Variants in TRPM5 observed in about 807,000 individuals in gnomAD.
TRPM5 encodes transient receptor potential cation channel subfamily M member 5, also known as MLSN1 and TRP-related.
TRPM5 carries 121 observed loss-of-function variants against 124.9 expected under a neutral mutation model. The observed-to-expected ratio is 0.97, with a 90% CI of 0.84 to 1.13. The LOEUF (loss-of-function observed/expected upper bound fraction) is 1.13, where lower values mean the gene tolerates loss of function less well. Ranked by LOEUF, TRPM5 falls within the 50% of genes most tolerant of loss-of-function variation. The pLI, the probability that TRPM5 is intolerant of heterozygous loss-of-function variation, is 0.00. For synonymous variants in TRPM5, 781 were observed against 700.5 expected (o/e 1.11, Z -1.81); for missense variants, 1,643 against 1,589.1 (o/e 1.03, Z -0.58).
the TRPM5 span, among the ~76,000 whole-genome samples, chr11:2,428,742 A>G: frequency 6.7e-6 from 1 of 149,084 alleles, no homozygotes; most frequent in African/African-American, 2.5e-5. The surrounding 1 kb of genome is among the most constrained non-coding windows in gnomAD (Gnocchi z 4.0). Context: ...TGTTGATGGT[A>G]TTAGTGCTGA....
At chr11:2,414,195 CGGA>C in exon 12 of TRPM5, 1 of 1,609,392 alleles carries the variant, frequency 6.2e-7, no homozygotes, top group South Asian at 1.1e-5. Flanking sequence ...CTGTAGCACT[CGGA>C]GAAGAGGTCT....
At chr11:2,413,992 C>G (rs755396425) in intron 12 of TRPM5, 69 bp downstream of exon 17, 43 of 1,529,226 alleles carry the variant, frequency 2.8e-5, no homozygotes, top group African/African-American at 4.2e-5. Context: ...GAAGTCAACT[C>G]AAGCTGGGCC....
At chr11:2,422,884 G>T in intron 1 of TRPM5, 36 bp downstream of exon 6, 1 of 1,573,154 alleles carries the variant, frequency 6.4e-7, no homozygotes, top group Non-Finnish European at 8.7e-7. Context: ...TCCAGGTCAA[G>T]GCGGACATCA....
At chr11:2,434,225 G>A in the TRPM5 span, among the ~76,000 whole-genome samples, 1,477 of 151,686 alleles carry the variant, frequency 9.7e-3, 25 homozygotes, top group African/African-American at 0.034. Context: ...CTGTGTGGAC[G>A]CTGTGAGTGC....
the TRPM5 span, among the ~76,000 whole-genome samples, chr11:2,440,588 C>T: frequency 3.9e-5 from 6 of 152,276 alleles, no homozygotes; most frequent in South Asian, 2.1e-4. This position sits in a 1 kb window ranked among gnomAD's most constrained non-coding sequence, Gnocchi z 5.2. Context: ...TCTGTGGAGA[C>T]GCCCCTGGGA....
At chr11:2,417,825 T>C in exon 7 of TRPM5, 1 of 1,574,444 alleles carries the variant, frequency 6.4e-7, no homozygotes, top group Non-Finnish European at 8.6e-7. Context: ...GGTGATGTTC[T>C]GCAGCTGGGC....
chr11:2,404,840 C>A, exon 24 of TRPM5: 1 of 1,038,298 alleles, frequency 9.6e-7, no homozygotes, highest in East Asian at 2.5e-5. Context: ...GCTGGTGCCC[C>A]CTGGGGGGTT....
At chr11:2,407,362 C>A (rs1387145055) in intron 19 of TRPM5, 62 bp from the exon 25 acceptor site, 1 of 1,488,198 alleles carries the variant, frequency 6.7e-7, no homozygotes, top group Non-Finnish European at 9.1e-7. Context: ...GGGACGCATC[C>A]CCCTGCACCC....
chr11:2,424,142 G>A (rs1433180654), upstream of TRPM5, among the ~76,000 whole-genome samples: 1 of 152,272 alleles, frequency 6.6e-6, no homozygotes, highest in Non-Finnish European at 1.5e-5. Flanking sequence ...TGGTTCTCCT[G>A]TGCCCACCTT....
the TRPM5 span, among the ~76,000 whole-genome samples, chr11:2,439,552 GC>G: frequency 1.3e-3 from 200 of 152,338 alleles, 2 homozygotes; most frequent in Non-Finnish European, 2.2e-3. Flanking sequence ...AGACATCCAT[GC>G]GGTCAACAAG....
the TRPM5 span, among the ~76,000 whole-genome samples, chr11:2,434,055 C>A: frequency 3.6e-4 from 50 of 139,164 alleles, no homozygotes; most frequent in African/African-American, 1.3e-3. Flanking sequence ...ACGCAGTGTG[C>A]GCGTGCATGT....
the TRPM5 span, among the ~76,000 whole-genome samples, chr11:2,433,169 A>G: frequency 1.5e-3 from 236 of 152,358 alleles, no homozygotes; most frequent in African/African-American, 5.6e-3. Context: ...CAAGATGTGA[A>G]CAGAGGTAGA....
At chr11:2,434,870 C>T in the TRPM5 span, among the ~76,000 whole-genome samples, 2 of 152,118 alleles carry the variant, frequency 1.3e-5, no homozygotes, top group Non-Finnish European at 2.9e-5. Context: ...AAATGACAGC[C>T]ATTGGGAAGC....
At chr11:2,429,030 G>T in the TRPM5 span, among the ~76,000 whole-genome samples, 1 of 151,748 alleles carries the variant, frequency 6.6e-6, no homozygotes, top group East Asian at 1.9e-4. The surrounding 1 kb of genome is among the most constrained non-coding windows in gnomAD (Gnocchi z 8.4). Context: ...TTGTGGTGGT[G>T]ATGGTGATAG....
chr11:2,411,575 G>A, intron 17 of TRPM5, 49 bp from the exon 23 acceptor site: 1 of 1,608,174 alleles, frequency 6.2e-7, no homozygotes, highest in Non-Finnish European at 8.5e-7. Context: ...CAGCCGGGTG[G>A]GGCCCAGGCA....
rs1850327008 is a variant in TRPM5, at chr11:2,406,576, C to G, written c.3251+85G>C. 6.5e-5 allele frequency: 98 copies of G among 1,507,022 alleles called. 2 individuals carry two copies. In the South Asian group the frequency reaches 1.2e-3, roughly 18 times the overall value. The allele number at this position is 1,507,022 out of a possible 1,614,324, so 93.4% of individuals were successfully genotyped here. On this transcript the variant is annotated intron_variant, in intron 21 of 23. Transcript: ENST00000155858. ...CCCCTTCAGCTTCAGTTCGCCAGCT[C>G]AGATCCTCTGTCACTGGCGCCAATG... is the stretch of plus-strand genomic sequence containing the variant.
intron 15 of TRPM5, 61 bp downstream of exon 20, chr11:2,412,693 C>T: frequency 6.7e-7 from 1 of 1,500,888 alleles, no homozygotes; most frequent in South Asian, 1.4e-5. Flanking sequence ...CAGGACCCAG[C>T]TTAGGTTGCC....
At chr11:2,422,779 T>A (rs372536454) in intron 1 of TRPM5, 141 bp downstream of exon 6, 2 of 738,520 alleles carry the variant, frequency 2.7e-6, no homozygotes, top group African/African-American at 3.5e-5. Context: ...TCTGCCTGTC[T>A]GGGGGCTCTG....
At chr11:2,413,134 C>A (rs770117161) in exon 14 of TRPM5, 2 of 1,553,424 alleles carry the variant, frequency 1.3e-6, no homozygotes, top group South Asian at 1.2e-5. Flanking sequence ...TGCCTCGCAC[C>A]GGCTCTGCAG....
Sources: allele counts gnomAD v4.1 joint callset (sites outside exome capture counted in the v4.1 genomes callset), GRCh38; gene constraint gnomAD v4.1.1; non-coding constraint Gnocchi (gnomAD v3.1); transcripts MANE v1.5; gene names NCBI Gene and HGNC (gene_info 2026-07-23, HGNC 2026-07-21).